The following DCC variants were observed in gnomAD, a reference collection of about 807,000 sequenced individuals.
The protein encoded by DCC is DCC netrin 1 receptor, also known as netrin receptor DCC.
DCC carries 58 observed loss-of-function variants against 172.5 expected under a neutral mutation model. That is an observed-to-expected ratio of 0.34 (90% CI 0.27 to 0.42). DCC has a LOEUF of 0.42. DCC is among the 10% of genes least tolerant of loss of function. DCC has a pLI of 1.00. For synonymous variants in DCC, 709 were observed against 644.5 expected (o/e 1.10, Z -1.52); for missense variants, 1,740 against 1,791.0 (o/e 0.97, Z 0.51).
intron 12 of DCC, among the ~76,000 whole-genome samples, chr18:53,266,887 A>G (rs1295094874): frequency 1.3e-5 from 2 of 151,900 alleles, no homozygotes. Context: ...ATAATATTCT[A>G]TTGTATAGAC....
At chr18:52,803,422 T>A (rs1162186612) in intron 2 of DCC, among the ~76,000 whole-genome samples, 3 of 152,212 alleles carry the variant, frequency 2.0e-5, no homozygotes, top group African/African-American at 4.8e-5. Context: ...GTTAATTTTA[T>A]GCATTTATTA....
rs192261821 is a variant in DCC, at chr18:53,298,072, C to T, written c.1912-7506C>T. Among the ~76,000 whole-genome samples the T allele has an allele frequency of 2.0e-3, 297 of 152,120 alleles. 2 individuals are homozygous for T. In the Middle Eastern group the frequency reaches 0.027, roughly 14 times the overall value. Reference sequence around the variant, plus strand: ...ATTGGCTATGTGGGAATAATTTAAGCGATCACTGGAAATCCTCAAATGTGA... The same window carrying T: ...ATTGGCTATGTGGGAATAATTTAAGTGATCACTGGAAATCCTCAAATGTGA... On this transcript the variant is annotated intron_variant, in intron 12 of 28. Coordinates refer to ENST00000442544, the MANE Select transcript of DCC (RefSeq NM_005215.4).
chr18:52,440,416 T>C (rs1987938085), intron 1 of DCC, among the ~76,000 whole-genome samples: 2 of 152,218 alleles, frequency 1.3e-5, no homozygotes, highest in African/African-American at 2.4e-5. Flanking sequence ...TTTATAGTAC[T>C]TCCATAGCCA....
chr18:52,373,464 A>G (rs1387244360), intron 1 of DCC, among the ~76,000 whole-genome samples: 2 of 152,104 alleles, frequency 1.3e-5, no homozygotes, highest in Non-Finnish European at 2.9e-5. Context: ...CAACATTTCT[A>G]TTTCTTCAGT....
At chr18:53,338,023 C>T in intron 14 of DCC, among the ~76,000 whole-genome samples, 1 of 152,138 alleles carries the variant, frequency 6.6e-6, no homozygotes. Flanking sequence ...TTATTAATTG[C>T]CAAGAACTGT....
chr18:52,937,653 TA>T (rs930999919), intron 5 of DCC, among the ~76,000 whole-genome samples: 3 of 151,990 alleles, frequency 2.0e-5, no homozygotes, highest in Non-Finnish European at 2.9e-5. Context: ...CTGGCTAATT[TA>T]AAAAAAATTT....
intron 5 of DCC, among the ~76,000 whole-genome samples, chr18:52,927,247 A>AT (rs1568192517): frequency 7.2e-6 from 1 of 137,950 alleles, no homozygotes; most frequent in African/African-American, 2.7e-5. Context: ...TTATATGTAC[A>AT]TATACACATA....
chr18:53,269,439 A>G lies in DCC; in HGVS notation c.1912-36139A>G, dbSNP rs111788827. On this transcript the variant is annotated intron_variant, in intron 12 of 28. Transcript: ENST00000442544. ...TCCATCCAAGGTGGTGACTCCAACT[A>G]TGACACCCCCTCTCCACCATATCAA... Among the ~76,000 whole-genome samples the G allele has an allele frequency of 5.1e-4, 78 of 152,254 alleles. 1 individual carries two copies. The highest frequency in any genetic ancestry group is 1.4e-3 in the African/African-American group (60 of 41,534).
intron 1 of DCC, among the ~76,000 whole-genome samples, chr18:52,446,186 G>T (rs563755302): frequency 3.9e-5 from 6 of 152,134 alleles, no homozygotes; most frequent in South Asian, 2.1e-4. Context: ...CTCCCAAAGT[G>T]CTGGGATTAC....
At position 52,906,113 on chromosome 18, in the gene DCC, G is replaced by A; in HGVS notation, c.482G>A (p.Cys161Tyr). The A allele has an allele frequency of 6.2e-7, 1 of 1,613,778 alleles. No individual in the cohort carries two copies. The highest frequency in any genetic ancestry group is 1.7e-5 in the Admixed American group (1 of 60,008). ...AFMGDTVLLK[C>Y]EVIGEPMPTI... ...ATGGGAGACACAGTGCTACTCAAGTGTGAAGTCATTGGGGAGCCCATGCCA... is the reference window on the plus strand; with the variant it reads ...ATGGGAGACACAGTGCTACTCAAGTATGAAGTCATTGGGGAGCCCATGCCA... Residue 161 changes from cysteine (C) to tyrosine (Y), a missense_variant, in exon 3 of 29, where the codon TGT becomes TAT. Around this residue, in one of 2 missense-constraint regions of DCC, gnomAD observed 1,732 missense variants for 1,767.4 expected, o/e 0.98. Coordinates refer to ENST00000442544, the MANE Select transcript of DCC (RefSeq NM_005215.4).
At position 53,451,204 on chromosome 18, in the gene DCC, GT is replaced by G. The variant is rs554867000; in HGVS notation, c.3392+545del. Among the ~76,000 whole-genome samples the G allele has an allele frequency of 2.2e-4, 33 of 152,290 alleles. No individual in the cohort carries two copies. In the South Asian group the frequency reaches 6.6e-3, roughly 31 times the overall value. ...AGAGAGAGTTCTGAGATTCAAAATG[GT>G]TTATTTTCTGTGGTTAATTGTCAGA... On this transcript the variant is annotated intron_variant, in intron 23 of 28. Coordinates refer to ENST00000442544, the MANE Select transcript of DCC (RefSeq NM_005215.4).
intron 7 of DCC, among the ~76,000 whole-genome samples, chr18:53,140,090 C>T (rs2043807863): frequency 6.6e-6 from 1 of 152,126 alleles, no homozygotes; most frequent in South Asian, 2.1e-4. Flanking sequence ...TAGATATGTA[C>T]CTTGTTTTAA....
At chr18:52,496,130 T>C (rs979041996) in intron 1 of DCC, among the ~76,000 whole-genome samples, 3 of 152,156 alleles carry the variant, frequency 2.0e-5, no homozygotes, top group African/African-American at 7.2e-5. Context: ...AACCACACCC[T>C]ATTTTGGCTT....
intron 1 of DCC, among the ~76,000 whole-genome samples, chr18:52,522,851 G>C (rs145681398): frequency 6.6e-6 from 1 of 152,152 alleles, no homozygotes; most frequent in Non-Finnish European, 1.5e-5. Context: ...TTCTTCTCAA[G>C]TTTGAATGGT....
intron 2 of DCC, among the ~76,000 whole-genome samples, chr18:52,899,975 G>C (rs1432092333): frequency 6.6e-6 from 1 of 152,192 alleles, no homozygotes; most frequent in East Asian, 1.9e-4. Context: ...TTACAGTATA[G>C]AATAACATAG....
In DCC at chr18:53,402,825, G is replaced by T; in HGVS notation, c.2867G>T (p.Arg956Met). The T allele has an allele frequency of 6.2e-7, 1 of 1,614,026 alleles. No individual in the cohort carries two copies. Among genetic ancestry groups the T allele is most frequent in the Non-Finnish European group, 8.5e-7 (1 of 1,179,982 alleles). The change falls in exon 19 of 29, where the codon AGG becomes ATG. Residue 956 changes from arginine to methionine, a missense_variant. Arg to Met is a moderately conservative substitution (Grantham distance 91). Around this residue, in one of 2 missense-constraint regions of DCC, gnomAD observed 1,732 missense variants for 1,767.4 expected, o/e 0.98. Transcript: ENST00000442544. Reference protein sequence around the residue: ...SAPKDLTVITREGKPRAVIVS... With the variant: ...SAPKDLTVITMEGKPRAVIVS... ...CCCAAGGACTTGACAGTCATTACTA[G>T]GGAAGGGAAGCCTCGTGCCGTCATT...
chr18:52,651,923 C>A (rs1321290210), intron 1 of DCC, among the ~76,000 whole-genome samples: 2 of 152,102 alleles, frequency 1.3e-5, no homozygotes, highest in East Asian at 3.9e-4. Flanking sequence ...TATGTAAAGC[C>A]TTTCAAAGAA....
intron 2 of DCC, among the ~76,000 whole-genome samples, chr18:52,869,521 T>C (rs1284274907): frequency 6.6e-6 from 1 of 152,196 alleles, no homozygotes; most frequent in Non-Finnish European, 1.5e-5. Flanking sequence ...GCCTCCAGCC[T>C]TCAGGCCCTT....
intron 7 of DCC, among the ~76,000 whole-genome samples, chr18:53,067,412 C>G (rs1287825140): frequency 6.6e-6 from 1 of 152,024 alleles, no homozygotes; most frequent in African/African-American, 2.4e-5. Context: ...AGTCCAGCTA[C>G]TTGGGAGGCT....
Sources: allele counts gnomAD v4.1 joint callset (sites outside exome capture counted in the v4.1 genomes callset), GRCh38; gene constraint gnomAD v4.1.1; regional missense constraint gnomAD v4.1.1; transcripts MANE v1.5; gene names NCBI Gene and HGNC (gene_info 2026-07-23, HGNC 2026-07-21).